Variants in C21orf91 observed in about 807,000 individuals in gnomAD.
The protein encoded by C21orf91 is chromosome 21 open reading frame 91.
C21orf91 carries 26 observed loss-of-function variants against 32.9 expected under a neutral mutation model. The ratio of observed to expected loss-of-function variants is 0.79; its 90% CI spans 0.58 to 1.10. C21orf91 has a LOEUF of 1.10. Among genes scored for constraint, C21orf91 ranks in the 50% least tolerant of loss-of-function variants. The pLI, the probability that C21orf91 is intolerant of heterozygous loss-of-function variation, is 0.00. For missense variants in C21orf91, 310 were observed against 341.3 expected (o/e 0.91, Z 0.72); for synonymous variants, 126 against 120.4 (o/e 1.05, Z -0.31).
At chr21:17,816,288 T>C (rs993693991) in intron 2 of C21orf91, among the ~76,000 whole-genome samples, 2 of 152,212 alleles carry the variant, frequency 1.3e-5, no homozygotes, top group Non-Finnish European at 2.9e-5. Flanking sequence ...AGGTAATATT[T>C]GTATATTCTC....
intron 2 of C21orf91, among the ~76,000 whole-genome samples, chr21:17,808,787 C>T (rs2062614637): frequency 2.0e-5 from 3 of 152,068 alleles, no homozygotes; most frequent in Admixed American, 1.3e-4. Context: ...GTGAGGAGGA[C>T]ATGAGATTTG....
In C21orf91 at chr21:17,796,700, T is replaced by C. The variant is rs771201183; in HGVS notation, c.546A>G (p.Leu182=). 1 of 1,614,104 alleles carries C rather than the reference T, an allele frequency of 6.2e-7. No homozygotes were observed. The highest frequency in any genetic ancestry group is 1.1e-5 in the South Asian group (1 of 91,090). Residue 182 remains leucine, a synonymous_variant, in exon 3 of 5, where the codon TTA becomes TTG. Coordinates refer to ENST00000284881, the MANE Select transcript of C21orf91 (RefSeq NM_001100420.2). ...GAGGCCACAATACACTGTTACGACA[T>C]AAAGTGGCACCTGAATCTTGTAACA... ...LSMLQDSGAT[L]CRNSVLWPHS... is the part of the protein sequence containing the mutation.
At chr21:17,796,485 T>C (rs781608644) in intron 3 of C21orf91, 97 bp downstream of exon 3, 13 of 910,348 alleles carry the variant, frequency 1.4e-5, no homozygotes, top group Non-Finnish European at 2.0e-5. Context: ...CCCAAATCTA[T>C]GATTCCACAG....
At chr21:17,804,692 A>C (rs1366231380) in intron 2 of C21orf91, among the ~76,000 whole-genome samples, 1 of 152,232 alleles carries the variant, frequency 6.6e-6, no homozygotes, top group East Asian at 1.9e-4. Context: ...ATGCCATTTT[A>C]AAGTTCCTGT....
In C21orf91 at chr21:17,804,600, G is replaced by A. The variant is rs77490923; in HGVS notation, c.128-7482C>T. 9.9e-5 allele frequency among the ~76,000 whole-genome samples: 15 copies of A among 152,156 alleles called. 1 individual carries two copies. In the South Asian group the frequency reaches 2.3e-3, roughly 23 times the overall value. On this transcript the variant is annotated intron_variant, in intron 2 of 4. Transcript: ENST00000284881. ...CAGATGGGTTCAGAAACTTGCTTCC[G>A]CACATTTTGAGAATTACTGCCCTAA...
intron 2 of C21orf91, among the ~76,000 whole-genome samples, chr21:17,806,526 G>A (rs950394436): frequency 1.3e-5 from 2 of 151,828 alleles, no homozygotes; most frequent in South Asian, 2.1e-4. Flanking sequence ...AAAAATGGAG[G>A]AGAGGGTAAA....
intron 4 of C21orf91, 152 bp from the exon 5 acceptor site, chr21:17,793,733 GC>G: frequency 1.6e-6 from 1 of 606,360 alleles, no homozygotes. Flanking sequence ...TCTCTACAAA[GC>G]ATATCAGTTC....
intron 2 of C21orf91, among the ~76,000 whole-genome samples, chr21:17,797,800 C>A (rs989874313): frequency 6.6e-6 from 1 of 152,044 alleles, no homozygotes; most frequent in African/African-American, 2.4e-5. Flanking sequence ...CAAGATCCAA[C>A]AGCCAGTAAT....
chr21:17,796,367 A>G (rs1463317735), intron 3 of C21orf91, among the ~76,000 whole-genome samples: 1 of 152,236 alleles, frequency 6.6e-6, no homozygotes, highest in Non-Finnish European at 1.5e-5. Flanking sequence ...ATGGCAAAAC[A>G]AACATGGAAA....
rs1043400437 is a variant in C21orf91 at position 17,791,543 on chromosome 21, A to G, written c.*1872T>C. The G allele has an allele frequency of 5.3e-5, 8 of 152,188 alleles. No individual in the cohort carries two copies. Among genetic ancestry groups the G allele is most frequent in the African/African-American group, 1.9e-4 (8 of 41,466 alleles). The allele number at this position is 152,188 out of a possible 1,614,324, so 9.4% of individuals were successfully genotyped here. A position where few individuals can be genotyped will look rare whatever the true frequency, so the allele number is the denominator to read the frequency against. On this transcript the variant is annotated 3_prime_UTR_variant, in exon 5 of 5. Coordinates refer to ENST00000284881, the MANE Select transcript of C21orf91 (RefSeq NM_001100420.2). Reference sequence around the variant, plus strand: ...TTATGACTGTCCCTAACTCATCTAAACACAAACCCAAATGTGTGCAAACAC... The same window carrying G: ...TTATGACTGTCCCTAACTCATCTAAGCACAAACCCAAATGTGTGCAAACAC...
chr21:17,797,019 G>C lies in C21orf91; in HGVS notation c.227C>G (p.Ser76Cys), dbSNP rs772906179. ...HLIANQGCPR[S>C]KLSKSTYEEV... ...TTCATAAGTACTTTTTGAAAGCTTA[G>C]ATCGAGGACAACCCTGGTTTGCAAT... The change falls in exon 3 of 5, where the codon TCT becomes TGT. Residue 76 changes from serine to cysteine, a missense_variant. Transcript: ENST00000284881. 1.2e-6 allele frequency: 2 copies of C among 1,612,542 alleles called. No homozygotes were observed. Among genetic ancestry groups the C allele is most frequent in the Non-Finnish European group, 1.7e-6 (2 of 1,178,838 alleles).
intron 2 of C21orf91, chr21:17,813,775 T>A (rs2062648060): frequency 6.6e-6 from 1 of 152,238 alleles, no homozygotes; most frequent in African/African-American, 2.4e-5. Flanking sequence ...CATGTAGGTG[T>A]TCAAAAAGTT....
At chr21:17,818,861 G>C (rs1452212804) in intron 1 of C21orf91, 3 of 152,338 alleles carry the variant, frequency 2.0e-5, no homozygotes, top group Non-Finnish European at 4.4e-5. Context: ...CGAATACCCG[G>C]GGAGGGCGTC....
At chr21:17,808,560 T>C (rs768544392) in intron 2 of C21orf91, among the ~76,000 whole-genome samples, 1 of 152,216 alleles carries the variant, frequency 6.6e-6, no homozygotes, top group Non-Finnish European at 1.5e-5. Flanking sequence ...CACTGACAGC[T>C]TTCACTGTGC....
At chr21:17,805,322 G>C (rs2062587283) in intron 2 of C21orf91, among the ~76,000 whole-genome samples, 1 of 152,086 alleles carries the variant, frequency 6.6e-6, no homozygotes, top group Non-Finnish European at 1.5e-5. Flanking sequence ...CTGACTGATT[G>C]ATTGATTTTA....
chr21:17,793,235 G>A lies in C21orf91; in HGVS notation c.*180C>T, dbSNP rs918634555. On this transcript the variant is annotated 3_prime_UTR_variant, in exon 5 of 5. Coordinates refer to ENST00000284881, the MANE Select transcript of C21orf91 (RefSeq NM_001100420.2). Reference sequence around the variant, plus strand: ...GTCCCCAAATGAGCCAAAATGATTAGCCCTAGAAGACTAGAGTATAATGAT... The same window carrying A: ...GTCCCCAAATGAGCCAAAATGATTAACCCTAGAAGACTAGAGTATAATGAT... The A allele has an allele frequency of 2.1e-5, 9 of 421,238 alleles. No individual in the cohort carries two copies. The highest frequency in any genetic ancestry group is 3.4e-5 in the Non-Finnish European group (8 of 234,614). 26.1% of individuals were successfully genotyped at this position (421,238 alleles called of 1,614,324 possible). A position where few individuals can be genotyped will look rare whatever the true frequency, so the allele number is the denominator to read the frequency against.
rs1217550271 is a variant in C21orf91 at position 17,789,181 on chromosome 21, TA to T, written c.*4233del. Reference sequence around the variant, plus strand: ...TTCCAAAAGTCTTAACACAATTTTGTAAAGTAAATTTCTAACACCAGAGAGA... The same window carrying T: ...TTCCAAAAGTCTTAACACAATTTTGTAAGTAAATTTCTAACACCAGAGAGA... On this transcript the variant is annotated 3_prime_UTR_variant, in exon 5 of 5. Coordinates refer to ENST00000284881, the MANE Select transcript of C21orf91 (RefSeq NM_001100420.2). The T allele has an allele frequency of 6.6e-6, 1 of 152,016 alleles. No individual in the cohort carries two copies. Among genetic ancestry groups the T allele is most frequent in the Non-Finnish European group, 1.5e-5 (1 of 67,994 alleles). 9.4% of individuals were successfully genotyped at this position (152,016 alleles called of 1,614,324 possible).
intron 2 of C21orf91, among the ~76,000 whole-genome samples, chr21:17,799,173 C>T (rs1008652946): frequency 1.3e-5 from 2 of 151,972 alleles, no homozygotes; most frequent in African/African-American, 4.8e-5. Context: ...TACAGAAACT[C>T]CGATAAAAAA....
At chr21:17,814,791 T>C (rs757138537) in intron 2 of C21orf91, among the ~76,000 whole-genome samples, 9 of 152,142 alleles carry the variant, frequency 5.9e-5, no homozygotes, top group African/African-American at 9.7e-5. Flanking sequence ...CTAATACCAG[T>C]CTCTGCCTAG....
Sources: gnomAD v4.1 joint callset for allele counts (sites outside exome capture counted in the v4.1 genomes callset) on GRCh38, gnomAD v4.1.1 for gene constraint, MANE v1.5 for transcripts, NCBI Gene and HGNC (gene_info 2026-07-23, HGNC 2026-07-21) for gene names.